Variants in DNAH6 observed in about 807,000 individuals in gnomAD.
DNAH6 encodes the protein dynein axonemal heavy chain 6, also known as axonemal beta dynein heavy chain 6.
In DNAH6, 340 loss-of-function variants were observed where a neutral mutation model predicts 491.4. The observed-to-expected ratio is 0.69, with a 90% CI of 0.63 to 0.76. The LOEUF (loss-of-function observed/expected upper bound fraction) is 0.76, where lower values mean the gene tolerates loss of function less well. DNAH6 is among the 30% of genes least tolerant of loss of function. The pLI, the probability that DNAH6 is intolerant of heterozygous loss-of-function variation, is 0.00. For synonymous variants in DNAH6, 1,603 were observed against 1,686.1 expected, an observed-to-expected ratio of 0.95 and a Z score of 1.21; for missense variants, 4,443 against 4,972.2, an observed-to-expected ratio of 0.89 and a Z score of 3.20.
Position 84,601,768 on chromosome 2 carries a change from A to G in DNAH6, c.2869-2571A>G, listed in dbSNP as rs1343573228. Among the ~76,000 whole-genome samples the G allele has an allele frequency of 5.9e-5, 9 of 151,694 alleles. No homozygotes were observed. The East Asian group carries it at 9.6e-4, about 16-fold the overall frequency. ...TCTTGCTAGCTGTTTTATTTATTCTATTGATTCTTTGTTTCTTTTTTCTCT... is the reference window on the plus strand; with the variant it reads ...TCTTGCTAGCTGTTTTATTTATTCTGTTGATTCTTTGTTTCTTTTTTCTCT... On this transcript the variant is annotated intron_variant, in intron 18 of 76. Coordinates refer to ENST00000389394, the MANE Select transcript of DNAH6 (RefSeq NM_001370.2).
chr2:84,563,942 T>C (rs1680917251), intron 11 of DNAH6, among the ~76,000 whole-genome samples: 1 of 152,234 alleles, frequency 6.6e-6, no homozygotes, highest in Non-Finnish European at 1.5e-5. Context: ...GCACCATTTA[T>C]TGAATAGGGA....
chr2:84,777,579 T>C (rs1247208156), intron 64 of DNAH6: 1 of 790,390 alleles, frequency 1.3e-6, no homozygotes, highest in Admixed American at 1.7e-5. Flanking sequence ...CACTGTTACT[T>C]ATCTGTATCA....
At chr2:84,519,684 C>T (rs1675952181) in intron 2 of DNAH6, among the ~76,000 whole-genome samples, 1 of 150,230 alleles carries the variant, frequency 6.7e-6, no homozygotes, top group South Asian at 2.1e-4. Context: ...CTTCCCTTAC[C>T]CCTCCTTCTC....
At chr2:84,532,272 C>T (rs533248794) in intron 4 of DNAH6, among the ~76,000 whole-genome samples, 3 of 152,080 alleles carry the variant, frequency 2.0e-5, no homozygotes, top group Non-Finnish European at 2.9e-5. Flanking sequence ...ACAGAAGTGA[C>T]GCTTAATAGT....
At chr2:84,708,954 C>A (rs951237891) in intron 54 of DNAH6, among the ~76,000 whole-genome samples, 3 of 152,186 alleles carry the variant, frequency 2.0e-5, no homozygotes, top group Non-Finnish European at 4.4e-5. Flanking sequence ...ACATCCCTAT[C>A]CCTCATCTAC....
chr2:84,746,208 A>G (rs188070580), intron 63 of DNAH6, among the ~76,000 whole-genome samples: 11 of 152,316 alleles, frequency 7.2e-5, no homozygotes, highest in African/African-American at 2.6e-4. Context: ...AGATTTGGGA[A>G]TCAGCATTCA....
intron 4 of DNAH6, among the ~76,000 whole-genome samples, chr2:84,534,548 T>G (rs1409278597): frequency 2.0e-5 from 3 of 152,116 alleles, no homozygotes; most frequent in Non-Finnish European, 4.4e-5. Context: ...GTTTTGTGTA[T>G]GTGAGAAACA....
rs79399018 is a variant in DNAH6 at position 84,799,679 on chromosome 2, T to C, written c.11481+2021T>C. Among the ~76,000 whole-genome samples the C allele has an allele frequency of 5.5e-3, 832 of 152,254 alleles. 13 individuals are homozygous for C. Among genetic ancestry groups the C allele is most frequent in the African/African-American group, 0.019 (796 of 41,534 alleles). On this transcript the variant is annotated intron_variant, in intron 70 of 76. Coordinates refer to ENST00000389394, the MANE Select transcript of DNAH6 (RefSeq NM_001370.2). Reference sequence around the variant, plus strand: ...AGGCAGTTACCTAAGGAGTAAATGGTCTTCTAGAGACAGTCTTTGGTGCAA... The same window carrying C: ...AGGCAGTTACCTAAGGAGTAAATGGCCTTCTAGAGACAGTCTTTGGTGCAA...
At chr2:84,721,829 T>G (rs891664875) in intron 59 of DNAH6, among the ~76,000 whole-genome samples, 1 of 152,214 alleles carries the variant, frequency 6.6e-6, no homozygotes, top group African/African-American at 2.4e-5. Flanking sequence ...TGATTTTTCA[T>G]GGTCCCTGCT....
chr2:84,522,436 T>G (rs1676240188), intron 2 of DNAH6, among the ~76,000 whole-genome samples: 1 of 152,176 alleles, frequency 6.6e-6, no homozygotes, highest in African/African-American at 2.4e-5. Flanking sequence ...TAGTTTGACT[T>G]CCTCTCTTCC....
intron 31 of DNAH6, 120 bp downstream of exon 31, chr2:84,637,497 A>AT: frequency 2.7e-6 from 3 of 1,098,194 alleles, no homozygotes; most frequent in Non-Finnish European, 3.7e-6. Flanking sequence ...CACATTATTA[A>AT]GTGTAGATAT....
intron 9 of DNAH6, among the ~76,000 whole-genome samples, chr2:84,550,775 G>T: frequency 6.6e-6 from 1 of 152,134 alleles, no homozygotes; most frequent in East Asian, 1.9e-4. Context: ...GGACATAAAT[G>T]CTCCTTGTGG....
At chr2:84,727,080 A>G (rs1278377416) in intron 60 of DNAH6, among the ~76,000 whole-genome samples, 1 of 152,230 alleles carries the variant, frequency 6.6e-6, no homozygotes, top group Non-Finnish European at 1.5e-5. Context: ...GTGCTAAGAA[A>G]TAAGCATGAG....
chr2:84,544,230 T>C lies in DNAH6; in HGVS notation c.663-3T>C. 1 of 1,388,210 alleles carries C rather than the reference T, an allele frequency of 7.2e-7. No homozygotes were observed. Among genetic ancestry groups the C allele is most frequent in the Non-Finnish European group, 9.8e-7 (1 of 1,025,012 alleles). The allele number at this position is 1,388,210 out of a possible 1,614,324, so 86.0% of individuals were successfully genotyped here. ...ATTAGTCCCAATTTTTATTTGTTTATAGAGTTGTAAGTTATGAGAACATCA... is the reference window on the plus strand; with the variant it reads ...ATTAGTCCCAATTTTTATTTGTTTACAGAGTTGTAAGTTATGAGAACATCA... On this transcript the variant is annotated splice_region_variant and splice_polypyrimidine_tract_variant and intron_variant, in intron 4 of 76. Coordinates refer to ENST00000389394, the MANE Select transcript of DNAH6 (RefSeq NM_001370.2).
intron 76 of DNAH6, among the ~76,000 whole-genome samples, chr2:84,818,352 G>A (rs1311445085): frequency 6.6e-6 from 1 of 151,906 alleles, no homozygotes. Flanking sequence ...AGCAAGGTGT[G>A]GTGCACACGC....
intron 33 of DNAH6, among the ~76,000 whole-genome samples, chr2:84,643,914 T>TTTTG (rs1689650910): frequency 6.6e-6 from 1 of 152,122 alleles, no homozygotes; most frequent in South Asian, 2.1e-4. Context: ...TTTTGTTTTA[T>TTTTG]TTTGTTTGTT....
chr2:84,515,322 G>C (rs1344039144), upstream of DNAH6, among the ~76,000 whole-genome samples: 2 of 152,054 alleles, frequency 1.3e-5, no homozygotes, highest in African/African-American at 2.4e-5. Context: ...TTAGGGATTG[G>C]GAGATCTGCA....
Position 84,583,937 on chromosome 2 carries a change from C to G in DNAH6, c.2230-62C>G, listed in dbSNP as rs570060134. 11 of 1,565,334 alleles carry G rather than the reference C, an allele frequency of 7.0e-6. No homozygotes were observed. The East Asian group carries it at 2.5e-4, about 35-fold the overall frequency. On this transcript the variant is annotated intron_variant, in intron 14 of 76. Coordinates refer to ENST00000389394, the MANE Select transcript of DNAH6 (RefSeq NM_001370.2). ...GTACAGTGTCTGTCTCCTGTTAGAA[C>G]AAACTTCAAGACTAAACTAGGATTC...
At chr2:84,578,422 CAGG>C (rs1324760285) in intron 13 of DNAH6, among the ~76,000 whole-genome samples, 1 of 152,026 alleles carries the variant, frequency 6.6e-6, no homozygotes, top group Non-Finnish European at 1.5e-5. Context: ...CTTAAGCAAT[CAGG>C]AGAGTTATTG....
Sources: gnomAD v4.1 joint callset for allele counts (sites outside exome capture counted in the v4.1 genomes callset) on GRCh38, gnomAD v4.1.1 for gene constraint, MANE v1.5 for transcripts, NCBI Gene and HGNC (gene_info 2026-07-23, HGNC 2026-07-21) for gene names.